The following CD1B variants were observed in gnomAD, a reference collection of about 807,000 sequenced individuals.
CD1B encodes the protein CD1b molecule.
A neutral mutation model predicts 39.8 loss-of-function variants in CD1B; 43 were observed. The observed-to-expected ratio is 1.08, with a 90% CI of 0.85 to 1.39. The LOEUF (loss-of-function observed/expected upper bound fraction) is 1.39. Among genes scored for constraint, CD1B ranks in the 40% most tolerant of loss-of-function variants. The pLI, the probability that CD1B is intolerant of heterozygous loss-of-function variation, is 0.00. For missense variants in CD1B, 495 were observed against 403.8 expected (o/e 1.23, Z -1.94); for synonymous variants, 192 against 152.5 (o/e 1.26, Z -1.91).
the CD1B span, among the ~76,000 whole-genome samples, chr1:158,309,330 CAA>C: frequency 6.6e-6 from 1 of 152,124 alleles, no homozygotes; most frequent in African/African-American, 2.4e-5. Context: ...GGTCAGGAAA[CAA>C]GAGGTGTGGA....
chr1:158,331,174 A>C, intron 1 of CD1B, 112 bp from the exon 2 acceptor site: 1 of 1,238,406 alleles, frequency 8.1e-7, no homozygotes. Flanking sequence ...TCTAAAGAAC[A>C]CAGGAAGTCT....
chr1:158,289,428 C>A, the CD1B span, among the ~76,000 whole-genome samples: 1 of 152,076 alleles, frequency 6.6e-6, no homozygotes, highest in Non-Finnish European at 1.5e-5. Context: ...GTAGAGTGGA[C>A]TGTAGTTTAT....
At chr1:158,324,934 A>C (rs532642088), downstream of CD1B, among the ~76,000 whole-genome samples, 6 of 152,308 alleles carry the variant, frequency 3.9e-5, no homozygotes, top group African/African-American at 1.4e-4. Flanking sequence ...TAAAACAACT[A>C]CTATGATAGA....
the CD1B span, among the ~76,000 whole-genome samples, chr1:158,312,820 T>C: frequency 6.6e-6 from 1 of 152,194 alleles, no homozygotes; most frequent in African/African-American, 2.4e-5. Flanking sequence ...TTCCTTCTTT[T>C]TAATTGTATG....
At chr1:158,308,852 A>T in the CD1B span, among the ~76,000 whole-genome samples, 1 of 152,236 alleles carries the variant, frequency 6.6e-6, no homozygotes, top group Non-Finnish European at 1.5e-5. Context: ...AAAGACTTAC[A>T]TGTTAGACCT....
intron 2 of CD1B, 21 bp from the exon 3 acceptor site, chr1:158,330,151 G>A (rs781727160): frequency 8.8e-5 from 137 of 1,565,502 alleles, no homozygotes; most frequent in Non-Finnish European, 1.1e-4. Flanking sequence ...GGAAAAGAGA[G>A]CAAGTTATTA....
At chr1:158,315,423 T>A in the CD1B span, among the ~76,000 whole-genome samples, 1 of 151,926 alleles carries the variant, frequency 6.6e-6, no homozygotes, top group Non-Finnish European at 1.5e-5. Context: ...ATGAGCATTT[T>A]TTAATGTGTT....
At chr1:158,298,835 G>A in the CD1B span, among the ~76,000 whole-genome samples, 3 of 152,076 alleles carry the variant, frequency 2.0e-5, no homozygotes, top group African/African-American at 7.2e-5. Flanking sequence ...TTGGTGTGTA[G>A]GAAAGCTTGC....
chr1:158,325,933 A>G (rs1422358462), downstream of CD1B, among the ~76,000 whole-genome samples: 1 of 152,322 alleles, frequency 6.6e-6, no homozygotes, highest in East Asian at 1.9e-4. Context: ...ATAGTATAAT[A>G]AAACCTGAAT....
At chr1:158,321,552 T>C in the CD1B span, among the ~76,000 whole-genome samples, 1 of 152,232 alleles carries the variant, frequency 6.6e-6, no homozygotes, top group African/African-American at 2.4e-5. Context: ...ATTTTGTTAC[T>C]TCTTTCCTAG....
the CD1B span, among the ~76,000 whole-genome samples, chr1:158,301,842 G>A: frequency 6.6e-6 from 1 of 152,102 alleles, no homozygotes; most frequent in Admixed American, 6.6e-5. Flanking sequence ...GCCTTGCTAG[G>A]TTGGGGATGT....
the CD1B span, among the ~76,000 whole-genome samples, chr1:158,307,961 C>G: frequency 6.6e-6 from 1 of 152,150 alleles, no homozygotes; most frequent in Admixed American, 6.5e-5. Context: ...TCCTATTCAA[C>G]ATAGTGTTGG....
At chr1:158,298,578 G>A in the CD1B span, among the ~76,000 whole-genome samples, 1 of 152,092 alleles carries the variant, frequency 6.6e-6, no homozygotes, top group African/African-American at 2.4e-5. Context: ...TGATAGGGAT[G>A]GCATTGAATT....
the CD1B span, among the ~76,000 whole-genome samples, chr1:158,306,373 G>A: frequency 6.6e-6 from 1 of 152,168 alleles, no homozygotes; most frequent in Non-Finnish European, 1.5e-5. Context: ...TCAGCAAGAA[G>A]AGCTAACTAT....
At chr1:158,306,654 T>G in the CD1B span, among the ~76,000 whole-genome samples, 1 of 152,214 alleles carries the variant, frequency 6.6e-6, no homozygotes, top group Non-Finnish European at 1.5e-5. Context: ...ACCGCACTTA[T>G]TCCAAAATTG....
chr1:158,300,757 T>G, the CD1B span, among the ~76,000 whole-genome samples: 1 of 143,272 alleles, frequency 7.0e-6, no homozygotes, highest in African/African-American at 2.9e-5. Context: ...TCTCTCTCTC[T>G]CTCTTTTTTT....
At chr1:158,291,090 T>G in the CD1B span, 1 of 1,256,746 alleles carries the variant, frequency 8.0e-7, no homozygotes, top group Non-Finnish European at 1.1e-6. Context: ...TTGCCTCTCT[T>G]TTTTTTTTTT....
At chr1:158,322,417 G>GTT in the CD1B span, among the ~76,000 whole-genome samples, 333 of 135,712 alleles carry the variant, frequency 2.5e-3, 2 homozygotes, top group African/African-American at 8.5e-3. Flanking sequence ...TTTTTTTTCT[G>GTT]TTTTTTTTTT....
the CD1B span, among the ~76,000 whole-genome samples, chr1:158,312,553 T>C: frequency 6.6e-6 from 1 of 152,220 alleles, no homozygotes. Flanking sequence ...TTTATAGATT[T>C]TTTTGTAGAG....
Sources: allele counts gnomAD v4.1 joint callset (sites outside exome capture counted in the v4.1 genomes callset), GRCh38; gene constraint gnomAD v4.1.1; transcripts MANE v1.5; gene names NCBI Gene and HGNC (gene_info 2026-07-23, HGNC 2026-07-21).